The following ADGB variants were observed in gnomAD, a reference collection of about 807,000 sequenced individuals.
ADGB encodes androglobin.
ADGB carries 172 observed loss-of-function variants against 210.5 expected under a neutral mutation model. That is an observed-to-expected ratio of 0.82 (90% CI 0.72 to 0.93). The LOEUF (loss-of-function observed/expected upper bound fraction) is 0.93. Ranked by LOEUF, ADGB falls within the 40% of genes least tolerant of loss-of-function variation. The pLI, the probability that ADGB is intolerant of heterozygous loss-of-function variation, is 0.00. For missense variants in ADGB, 2,025 were observed against 1,964.8 expected (o/e 1.03, Z -0.58); for synonymous variants, 658 against 662.7 (o/e 0.99, Z 0.11).
intron 13 of ADGB, among the ~76,000 whole-genome samples, chr6:146,713,622 T>A (rs1583601748): frequency 6.6e-6 from 1 of 152,184 alleles, no homozygotes; most frequent in East Asian, 1.9e-4. Context: ...TTTTTAGAAA[T>A]TCTATATATA....
chr6:146,754,236 ATAATG>A (rs1777369866), intron 27 of ADGB, among the ~76,000 whole-genome samples: 1 of 151,248 alleles, frequency 6.6e-6, no homozygotes, highest in African/African-American at 2.4e-5. Context: ...TTGTATAAAT[ATAATG>A]TATTCTTTTT....
intron 2 of ADGB, among the ~76,000 whole-genome samples, chr6:146,642,487 A>G (rs1775532362): frequency 6.6e-6 from 1 of 152,040 alleles, no homozygotes. Context: ...AGCAACCTGA[A>G]TACCCATCAA....
chr6:146,659,706 G>C (rs886212686), intron 5 of ADGB, among the ~76,000 whole-genome samples: 1 of 152,114 alleles, frequency 6.6e-6, no homozygotes, highest in Non-Finnish European at 1.5e-5. Flanking sequence ...TTAAGAACAG[G>C]GTTGTGACAC....
At chr6:146,728,308 C>G (rs1010720028) in intron 19 of ADGB, among the ~76,000 whole-genome samples, 6 of 152,092 alleles carry the variant, frequency 3.9e-5, no homozygotes, top group African/African-American at 1.4e-4. Flanking sequence ...AGAACTAGGT[C>G]TGGTTATTAA....
At chr6:146,779,870 A>AT (rs1777774526) in intron 29 of ADGB, among the ~76,000 whole-genome samples, 1 of 151,712 alleles carries the variant, frequency 6.6e-6, no homozygotes, top group South Asian at 2.1e-4. Context: ...CTATAAAAAA[A>AT]AAAAGACACT....
intron 16 of ADGB, among the ~76,000 whole-genome samples, chr6:146,720,201 T>C (rs1278033775): frequency 6.6e-6 from 1 of 152,172 alleles, no homozygotes; most frequent in Non-Finnish European, 1.5e-5. Flanking sequence ...TAATAATGCA[T>C]TAGTCAAGAG....
At chr6:146,778,599 G>T (rs936739936) in intron 29 of ADGB, among the ~76,000 whole-genome samples, 3 of 151,602 alleles carry the variant, frequency 2.0e-5, no homozygotes, top group South Asian at 4.2e-4. Context: ...CTCTTTCTGT[G>T]AACTTTTTAC....
At chr6:146,805,449 A>G (rs1418161955) in intron 35 of ADGB, among the ~76,000 whole-genome samples, 2 of 152,216 alleles carry the variant, frequency 1.3e-5, no homozygotes, top group Non-Finnish European at 2.9e-5. Flanking sequence ...AACCAGCAAT[A>G]TTTTGTGAAT....
chr6:146,647,139 CA>C (rs1162453662), intron 3 of ADGB, among the ~76,000 whole-genome samples: 1 of 140,550 alleles, frequency 7.1e-6, no homozygotes, highest in Non-Finnish European at 1.6e-5. Flanking sequence ...AACAAAAACA[CA>C]AAAAACAAAC....
At chr6:146,791,828 A>G (rs975281534) in intron 33 of ADGB, among the ~76,000 whole-genome samples, 1 of 151,296 alleles carries the variant, frequency 6.6e-6, no homozygotes, top group African/African-American at 2.4e-5. Flanking sequence ...GCACAATAAC[A>G]GCTCATTGCA....
chr6:146,708,101 C>T (rs368656013), intron 13 of ADGB, among the ~76,000 whole-genome samples: 2 of 152,062 alleles, frequency 1.3e-5, no homozygotes, highest in Non-Finnish European at 1.5e-5. Flanking sequence ...CACTTTTACT[C>T]TGTCTCTCTT....
At chr6:146,633,444 G>A (rs943669154) in intron 1 of ADGB, among the ~76,000 whole-genome samples, 6 of 151,786 alleles carry the variant, frequency 4.0e-5, no homozygotes, top group African/African-American at 1.2e-4. Flanking sequence ...CCCTCCCCCT[G>A]CCTTAGATCA....
intron 1 of ADGB, among the ~76,000 whole-genome samples, chr6:146,618,043 A>G (rs1780830251): frequency 6.6e-6 from 1 of 152,104 alleles, no homozygotes; most frequent in Non-Finnish European, 1.5e-5. Flanking sequence ...CATTCTTATA[A>G]TAAAGTAACC....
chr6:146,791,314 C>G (rs1219714034), intron 33 of ADGB, among the ~76,000 whole-genome samples: 1 of 152,064 alleles, frequency 6.6e-6, no homozygotes, highest in East Asian at 1.9e-4. Flanking sequence ...TAGTTTTATA[C>G]TTTCTGGACT....
chr6:146,613,614 A>G (rs1396472431), intron 1 of ADGB, among the ~76,000 whole-genome samples: 7 of 152,324 alleles, frequency 4.6e-5, no homozygotes, highest in Non-Finnish European at 1.5e-5. Context: ...AAGCAAATAT[A>G]TGAGTGCATC....
intron 1 of ADGB, among the ~76,000 whole-genome samples, chr6:146,607,014 T>C (rs1780639771): frequency 6.6e-6 from 1 of 152,234 alleles, no homozygotes; most frequent in African/African-American, 2.4e-5. Context: ...ACAATGTTGA[T>C]TTTTCCTATT....
intron 35 of ADGB, among the ~76,000 whole-genome samples, chr6:146,814,592 C>A (rs950377329): frequency 1.3e-5 from 2 of 152,138 alleles, no homozygotes. Context: ...AGCAAAGTAA[C>A]CAACAGATTT....
At chr6:146,678,345 A>G (rs1290503403) in intron 9 of ADGB, among the ~76,000 whole-genome samples, 2 of 152,030 alleles carry the variant, frequency 1.3e-5, no homozygotes, top group Non-Finnish European at 2.9e-5. Flanking sequence ...TTGTGCCTCA[A>G]CCTCCCAAGT....
chr6:146,814,167 C>A (rs954617390), intron 35 of ADGB, among the ~76,000 whole-genome samples: 6 of 152,100 alleles, frequency 3.9e-5, no homozygotes, highest in African/African-American at 1.2e-4. Flanking sequence ...CCAGCTTTTC[C>A]AACATCTCAA....
Sources: gnomAD v4.1 joint callset for allele counts (sites outside exome capture counted in the v4.1 genomes callset) on GRCh38, gnomAD v4.1.1 for gene constraint, MANE v1.5 for transcripts, NCBI Gene and HGNC (gene_info 2026-07-23, HGNC 2026-07-21) for gene names.